Variants in EP400 observed in about 807,000 individuals in gnomAD.
EP400 encodes E1A-binding protein p400.
EP400 carries 105 observed loss-of-function variants against 354.1 expected under a neutral mutation model. The observed-to-expected ratio is 0.30, with a 90% confidence interval of 0.25 to 0.35. The LOEUF (loss-of-function observed/expected upper bound fraction) is 0.35. EP400 is among the 10% of genes least tolerant of loss of function. The pLI, the probability that EP400 is intolerant of heterozygous loss-of-function variation, is 1.00. For synonymous variants in EP400, 1,646 were observed against 1,716.9 expected (o/e 0.96, Z 1.02); for missense variants, 3,280 against 4,121.0 (o/e 0.80, Z 5.59).
Position 132,054,839 on chromosome 12 carries a change from G to T in EP400, c.7729-135G>T. On this transcript the variant is annotated intron_variant, in intron 43 of 52. Coordinates refer to ENST00000389561, the MANE Select transcript of EP400 (RefSeq NM_015409.5). The surrounding 1 kb of genome is among the most constrained non-coding windows in gnomAD (Gnocchi z 4.0). ...GGGGCACCGCCAGGTGGAATGAGCT[G>T]GGGAGGATGGGACAGGTGGCTGTGT... is the stretch of plus-strand genomic sequence containing the variant. 1.1e-6 allele frequency: 1 copy of T among 889,942 alleles called. No individual in the cohort carries two copies. Among genetic ancestry groups the T allele is most frequent in the South Asian group, 1.5e-5 (1 of 66,728 alleles). The allele number at this position is 889,942 out of a possible 1,614,324, so 55.1% of individuals were successfully genotyped here. A position where few individuals can be genotyped will look rare whatever the true frequency, so the allele number is the denominator to read the frequency against.
chr12:131,958,828 A>G (rs1002772364), intron 1 of EP400, among the ~76,000 whole-genome samples: 2 of 152,048 alleles, frequency 1.3e-5, no homozygotes, highest in African/African-American at 2.4e-5. Context: ...GCCATTTTTT[A>G]TCTTCTGTAG....
At chr12:132,032,220 A>G (rs1894536840) in intron 30 of EP400, 71 bp downstream of exon 30, 4 of 1,479,414 alleles carry the variant, frequency 2.7e-6, no homozygotes, top group Non-Finnish European at 2.7e-6. Flanking sequence ...GCCTGCGGGG[A>G]TGGCCGCGTG....
Position 131,990,382 on chromosome 12 carries a change from C to T in EP400, c.2551-254C>T, listed in dbSNP as rs1892994113. Among the ~76,000 whole-genome samples, 1 of 152,216 alleles carries T rather than the reference C, an allele frequency of 6.6e-6. No individual in the cohort carries two copies. Among genetic ancestry groups the T allele is most frequent in the African/African-American group, 2.4e-5 (1 of 41,462 alleles). On this transcript the variant is annotated intron_variant, in intron 8 of 52. Transcript: ENST00000389561. The surrounding 1 kb of genome is among the most constrained non-coding windows in gnomAD (Gnocchi z 4.2). ...GCATTGTTTCAGGGTTAGCGTGAGT[C>T]ACCACCACGGTTACTTCTAGAGCGG...
At position 131,982,305 on chromosome 12, in the gene EP400, G is replaced by A. The variant is rs747568356; in HGVS notation, c.1756G>A (p.Ala586Thr). The change falls in exon 5 of 53, where the codon GCC (alanine) becomes ACC (threonine). Residue 586 changes from alanine to threonine, a missense_variant. This residue lies in a region of EP400 where 800 missense variants were observed against 840.0 expected (regional missense o/e 0.95). Coordinates refer to ENST00000389561, the MANE Select transcript of EP400 (RefSeq NM_015409.5). ...QFAQQPQVVEAQTQLQIPVKT... is the reference protein window; with the variant it reads ...QFAQQPQVVETQTQLQIPVKT... ...TGCACAGCAGCCGCAAGTGGTAGAG[G>A]CCCAGACACAGCTCCAAATCCCGGT... 1 of 1,614,146 alleles carries A rather than the reference G, an allele frequency of 6.2e-7. No homozygotes were observed. Among genetic ancestry groups the A allele is most frequent in the South Asian group, 1.1e-5 (1 of 91,082 alleles).
chr12:131,985,427 G>T (rs878893148), intron 5 of EP400, among the ~76,000 whole-genome samples: 1 of 152,104 alleles, frequency 6.6e-6, no homozygotes, highest in African/African-American at 2.4e-5. Flanking sequence ...GACCCACGTC[G>T]TGGGACGGGC....
At chr12:132,005,917 G>A (rs112642689) in intron 13 of EP400, among the ~76,000 whole-genome samples, 195 bp from the exon 14 acceptor site, 2 of 152,154 alleles carry the variant, frequency 1.3e-5, no homozygotes, top group Non-Finnish European at 2.9e-5. Flanking sequence ...TCCTTGGTTT[G>A]ATAGTTTCAT....
chr12:131,951,840 G>A (rs552930801), intron 1 of EP400, among the ~76,000 whole-genome samples: 1 of 152,038 alleles, frequency 6.6e-6, no homozygotes, highest in East Asian at 1.9e-4. Flanking sequence ...GCAATGGCAT[G>A]ATCTCGGCTC....
chr12:131,951,206 C>G (rs962991550), intron 1 of EP400, among the ~76,000 whole-genome samples: 8 of 151,698 alleles, frequency 5.3e-5, no homozygotes, highest in Non-Finnish European at 1.2e-4. Context: ...TGAGTCACCG[C>G]GCCTGGCCAG....
At chr12:132,032,883 C>T (rs1244533564) in intron 30 of EP400, among the ~76,000 whole-genome samples, 2 of 152,136 alleles carry the variant, frequency 1.3e-5, no homozygotes, top group African/African-American at 2.4e-5. Context: ...CCCGCCGTGG[C>T]CTCCCAAAGT....
At position 131,950,504 on chromosome 12, in the gene EP400, G is replaced by A. The variant is rs1019550163; in HGVS notation, c.-36+468G>A. Among the ~76,000 whole-genome samples the A allele has an allele frequency of 1.2e-4, 19 of 152,260 alleles. No individual in the cohort carries two copies. In the East Asian group the frequency reaches 2.7e-3, roughly 22 times the overall value. ...ACGTCCAGAACCACTTTCCTGAGGC[G>A]CGACGGGGCGAATTCACTCAGAACT... is the stretch of plus-strand genomic sequence containing the variant. On this transcript the variant is annotated intron_variant, in intron 1 of 52. Transcript: ENST00000389561.
At position 132,017,182 on chromosome 12, in the gene EP400, T is replaced by G. The variant is rs1330615498; in HGVS notation, c.3924-353T>G. ...CCAGGCGTCAGAGCTGCCGAGCGGGTGTGTGAGGGGCTTTACTCTGCTGCG... is the reference window on the plus strand; with the variant it reads ...CCAGGCGTCAGAGCTGCCGAGCGGGGGTGTGAGGGGCTTTACTCTGCTGCG... On this transcript the variant is annotated intron_variant, in intron 19 of 52. Coordinates refer to ENST00000389561, the MANE Select transcript of EP400 (RefSeq NM_015409.5). This position sits in a 1 kb window ranked among gnomAD's most constrained non-coding sequence, Gnocchi z 5.0. Among the ~76,000 whole-genome samples the G allele has an allele frequency of 6.6e-6, 1 of 151,792 alleles. No homozygotes were observed. Among genetic ancestry groups the G allele is most frequent in the Non-Finnish European group, 1.5e-5 (1 of 68,004 alleles).
At chr12:132,044,757 C>T in intron 36 of EP400, 42 bp downstream of exon 36, 2 of 1,614,160 alleles carry the variant, frequency 1.2e-6, no homozygotes, top group Non-Finnish European at 8.5e-7. Context: ...TGGGCAGCTT[C>T]CTGTGAGTTC....
intron 30 of EP400, among the ~76,000 whole-genome samples, chr12:132,035,272 A>G (rs1230924101): frequency 2.0e-5 from 3 of 152,170 alleles, no homozygotes; most frequent in Non-Finnish European, 2.9e-5. Context: ...GGACGTCCTC[A>G]TGTTGATGGG....
chr12:132,033,016 T>C (rs983641328), intron 30 of EP400, among the ~76,000 whole-genome samples: 5 of 152,174 alleles, frequency 3.3e-5, no homozygotes, highest in African/African-American at 1.2e-4. Context: ...GGCGTGATCC[T>C]GGTTCACCGC....
intron 15 of EP400, among the ~76,000 whole-genome samples, chr12:132,010,902 G>A (rs893404411): frequency 1.3e-5 from 2 of 152,142 alleles, no homozygotes; most frequent in East Asian, 1.9e-4. Flanking sequence ...AGATTGTGCC[G>A]TTGGACTCCA....
At chr12:132,036,753 T>C (rs958683924) in intron 30 of EP400, among the ~76,000 whole-genome samples, 2 of 152,236 alleles carry the variant, frequency 1.3e-5, no homozygotes, top group African/African-American at 4.8e-5. Context: ...ATGATGAGCA[T>C]GTAGTAATAT....
intron 2 of EP400, chr12:131,963,724 G>T: frequency 1.9e-6 from 2 of 1,061,798 alleles, no homozygotes; most frequent in East Asian, 2.6e-5. Flanking sequence ...TATACTACTT[G>T]CTCTTCAGCA....
chr12:132,046,037 T>C (rs554660197), intron 39 of EP400, 137 bp downstream of exon 39: 125 of 1,138,556 alleles, frequency 1.1e-4, no homozygotes, highest in Non-Finnish European at 1.3e-4. Context: ...GTCCATCTCC[T>C]TGGGCTCCTG....
intron 7 of EP400, among the ~76,000 whole-genome samples, chr12:131,989,011 A>G (rs1892949256): frequency 6.6e-6 from 1 of 152,234 alleles, no homozygotes; most frequent in Non-Finnish European, 1.5e-5. Context: ...ATTCTTCCTT[A>G]AACCAGCCTT....
Sources: gnomAD v4.1 joint callset for allele counts (sites outside exome capture counted in the v4.1 genomes callset) on GRCh38, gnomAD v4.1.1 for gene constraint, gnomAD v4.1.1 regional missense constraint, Gnocchi (gnomAD v3.1) non-coding constraint, MANE v1.5 for transcripts, NCBI Gene and HGNC (gene_info 2026-07-23, HGNC 2026-07-21) for gene names.